The following ANKFN1 variants were observed in gnomAD, a reference collection of about 807,000 sequenced individuals.
The protein encoded by ANKFN1 is ankyrin repeat and fibronectin type-III domain-containing protein 1.
A neutral mutation model predicts 108.7 loss-of-function variants in ANKFN1; 74 were observed. That is an observed-to-expected ratio of 0.68 (90% CI 0.56 to 0.83). The LOEUF (loss-of-function observed/expected upper bound fraction) is 0.83, where lower values mean the gene tolerates loss of function less well. Ranked by LOEUF, ANKFN1 falls within the 40% of genes least tolerant of loss-of-function variation. The pLI, the probability that ANKFN1 is intolerant of heterozygous loss-of-function variation, is 0.00. For missense variants in ANKFN1, 1,505 were observed against 1,382.3 expected (o/e 1.09, Z -1.41); for synonymous variants, 547 against 516.2 (o/e 1.06, Z -0.81).
intron 8 of ANKFN1, among the ~76,000 whole-genome samples, chr17:56,396,858 C>A (rs1188675022): frequency 3.3e-5 from 5 of 152,012 alleles, no homozygotes; most frequent in Non-Finnish European, 5.9e-5. Flanking sequence ...TTAAGGACTA[C>A]ACTATCCCAC....
At chr17:56,332,612 GT>G (rs2045695894) in intron 4 of ANKFN1, among the ~76,000 whole-genome samples, 2 of 152,000 alleles carry the variant, frequency 1.3e-5, no homozygotes, top group Admixed American at 1.3e-4. Context: ...ATACGTACAG[GT>G]TGTTTCCTGG....
chr17:56,453,609 C>T (rs576794745), intron 11 of ANKFN1, among the ~76,000 whole-genome samples: 1 of 152,148 alleles, frequency 6.6e-6, no homozygotes, highest in Non-Finnish European at 1.5e-5. Flanking sequence ...ATTGAGGACT[C>T]TTCTTATCGC....
At chr17:56,318,741 G>T (rs1373939493) in intron 3 of ANKFN1, among the ~76,000 whole-genome samples, 2 of 152,096 alleles carry the variant, frequency 1.3e-5, no homozygotes, top group Non-Finnish European at 2.9e-5. Flanking sequence ...AGAAAATCTG[G>T]TCTGCTGAGA....
chr17:56,416,299 C>T (rs1192887767), intron 8 of ANKFN1, among the ~76,000 whole-genome samples: 1 of 151,972 alleles, frequency 6.6e-6, no homozygotes, highest in African/African-American at 2.4e-5. Flanking sequence ...TGCAAACTAC[C>T]CATCTGACAA....
chr17:56,382,053 A>T lies in ANKFN1; in HGVS notation c.910+7339A>T, dbSNP rs891364193. Among the ~76,000 whole-genome samples the T allele has an allele frequency of 2.0e-4, 31 of 152,318 alleles. 1 individual carries two copies. The highest frequency in any genetic ancestry group is 6.7e-4 in the African/African-American group (28 of 41,556). On this transcript the variant is annotated intron_variant, in intron 8 of 20. Coordinates refer to ENST00000682825, the MANE Select transcript of ANKFN1 (RefSeq NM_001370326.1). ...GCCAAAGAGAAAGGTCGGGTTACCCACAAAGGGAAGCCCATCAGACTAACA... is the reference window on the plus strand; with the variant it reads ...GCCAAAGAGAAAGGTCGGGTTACCCTCAAAGGGAAGCCCATCAGACTAACA...
chr17:56,211,384 G>C (rs1435110888), intron 1 of ANKFN1, among the ~76,000 whole-genome samples: 3 of 152,030 alleles, frequency 2.0e-5, no homozygotes, highest in Non-Finnish European at 4.4e-5. Flanking sequence ...TTATATTTTT[G>C]TTTGTTTTGT....
chr17:56,416,603 G>T (rs969150409), intron 8 of ANKFN1, among the ~76,000 whole-genome samples: 1 of 152,164 alleles, frequency 6.6e-6, no homozygotes, highest in African/African-American at 2.4e-5. Context: ...GTACGCTGTT[G>T]GTGGGAATGT....
intron 3 of ANKFN1, among the ~76,000 whole-genome samples, chr17:56,312,073 T>C (rs1055190015): frequency 1.3e-5 from 2 of 152,146 alleles, no homozygotes; most frequent in Non-Finnish European, 2.9e-5. Flanking sequence ...TTGGACGTTA[T>C]CTTCCTTCAC....
In ANKFN1 at chr17:56,231,615, C is replaced by G. The variant is rs148907179; in HGVS notation, c.53+3658C>G. Among the ~76,000 whole-genome samples, 317 of 152,296 alleles carry G rather than the reference C, an allele frequency of 2.1e-3. 2 individuals are homozygous for G. Among genetic ancestry groups the G allele is most frequent in the Non-Finnish European group, 3.9e-3 (264 of 68,020 alleles). On this transcript the variant is annotated intron_variant, in intron 3 of 20. Coordinates refer to ENST00000682825, the MANE Select transcript of ANKFN1 (RefSeq NM_001370326.1). ...CTCTGTTTCCAAAGGAGTGGATTCCCAGGGCCTATGCCCATCGTTCTTGGG... is the reference window on the plus strand; with the variant it reads ...CTCTGTTTCCAAAGGAGTGGATTCCGAGGGCCTATGCCCATCGTTCTTGGG...
intron 16 of ANKFN1, among the ~76,000 whole-genome samples, chr17:56,479,659 A>G (rs1372125527): frequency 6.6e-6 from 1 of 152,224 alleles, no homozygotes; most frequent in Non-Finnish European, 1.5e-5. Context: ...TGCCACATTC[A>G]ATTTGGTTTT....
At position 56,449,228 on chromosome 17, in the gene ANKFN1, G is replaced by A. The variant is rs775802430; in HGVS notation, c.1207+42G>A. On this transcript the variant is annotated intron_variant, in intron 11 of 20. Coordinates refer to ENST00000682825, the MANE Select transcript of ANKFN1 (RefSeq NM_001370326.1). The stretch of plus-strand genomic sequence containing the variant: ...GTGCTGGGCCATCAACTGAGGTCTC[G>A]GTGGCGCCGGTAATTTTAGCAGTTT... 1.1e-5 allele frequency: 16 copies of A among 1,502,604 alleles called. No homozygotes were observed. In the African/African-American group the frequency reaches 1.1e-4, roughly 11 times the overall value. 93.1% of individuals were successfully genotyped at this position (1,502,604 alleles called of 1,614,324 possible). A position where few individuals can be genotyped will look rare whatever the true frequency, so the allele number is the denominator to read the frequency against.
intron 3 of ANKFN1, among the ~76,000 whole-genome samples, chr17:56,230,961 A>C (rs1262007834): frequency 6.6e-6 from 1 of 152,104 alleles, no homozygotes; most frequent in Non-Finnish European, 1.5e-5. Context: ...ATGTTAATGA[A>C]ATAAGTCAGA....
chr17:56,359,794 C>T (rs566839828), intron 6 of ANKFN1, among the ~76,000 whole-genome samples: 1 of 152,304 alleles, frequency 6.6e-6, no homozygotes, highest in South Asian at 2.1e-4. Context: ...TGTAAACAAA[C>T]ACACTAGAAA....
chr17:56,271,113 G>A (rs868760422), intron 3 of ANKFN1, among the ~76,000 whole-genome samples: 3 of 151,940 alleles, frequency 2.0e-5, no homozygotes, highest in Admixed American at 6.6e-5. Context: ...GGGCTCAAGC[G>A]ATCCTCCCAC....
chr17:56,426,011 A>G (rs1598587995), intron 8 of ANKFN1, among the ~76,000 whole-genome samples: 1 of 152,346 alleles, frequency 6.6e-6, no homozygotes, highest in African/African-American at 2.4e-5. Flanking sequence ...TTGATTTCTT[A>G]TCCTGAATGT....
At chr17:56,186,936 A>G (rs1315284393) in intron 1 of ANKFN1, among the ~76,000 whole-genome samples, 1 of 152,218 alleles carries the variant, frequency 6.6e-6, no homozygotes, top group Non-Finnish European at 1.5e-5. Context: ...AAATTAATTC[A>G]AGATGGATTA....
intron 4 of ANKFN1, among the ~76,000 whole-genome samples, chr17:56,113,124 T>C (rs530149703): frequency 6.6e-6 from 1 of 152,282 alleles, no homozygotes; most frequent in Non-Finnish European, 1.5e-5. Flanking sequence ...ATGGTGCCCT[T>C]TTTGCCATGC....
chr17:56,231,609 G>T (rs1916741300), intron 3 of ANKFN1, among the ~76,000 whole-genome samples: 1 of 152,156 alleles, frequency 6.6e-6, no homozygotes, highest in African/African-American at 2.4e-5. Flanking sequence ...CAAAGGAGTG[G>T]ATTCCCAGGG....
intron 3 of ANKFN1, among the ~76,000 whole-genome samples, chr17:56,275,942 A>G (rs759241377): frequency 5.3e-5 from 8 of 152,172 alleles, no homozygotes; most frequent in Middle Eastern, 3.2e-3. Flanking sequence ...TACATGTGTC[A>G]TGTTGGCTTG....
Sources: allele counts gnomAD v4.1 joint callset (sites outside exome capture counted in the v4.1 genomes callset), GRCh38; gene constraint gnomAD v4.1.1; transcripts MANE v1.5; gene names NCBI Gene and HGNC (gene_info 2026-07-23, HGNC 2026-07-21).